CDK14: variants seen among roughly 807,000 people sequenced by gnomAD.
CDK14 encodes the protein cyclin dependent kinase 14.
CDK14 carries 34 observed loss-of-function variants against 60.7 expected under a neutral mutation model. The ratio of observed to expected loss-of-function variants is 0.56; its 90% CI spans 0.43 to 0.75. CDK14 has a LOEUF of 0.75. CDK14 is among the 30% of genes least tolerant of loss of function. The pLI is 0.00. For missense variants in CDK14, 482 were observed against 564.1 expected (o/e 0.85, Z 1.47); for synonymous variants, 197 against 203.7 (o/e 0.97, Z 0.28).
rs532098695 is a variant in CDK14 at position 90,697,791 on chromosome 7, G to A, written c.124-28776G>A. ...CCACTTAAAAAAAAGTGTTGCGGCC[G>A]GGCACGGTGGCTCACACCTGTAATC... is the stretch of plus-strand genomic sequence containing the variant. On this transcript the variant is annotated intron_variant, in intron 2 of 14. Transcript: ENST00000380050. Among the ~76,000 whole-genome samples the A allele has an allele frequency of 4.9e-4, 75 of 152,066 alleles. No individual in the cohort carries two copies. In the South Asian group the frequency reaches 0.014, roughly 28 times the overall value.
chr7:91,006,941 T>A (rs77807186), intron 10 of CDK14, among the ~76,000 whole-genome samples: 11,029 of 152,256 alleles, frequency 0.072, 496 homozygotes, highest in East Asian at 0.18. Flanking sequence ...AAAATTTAGG[T>A]CATGCCAATT....
intron 4 of CDK14, among the ~76,000 whole-genome samples, chr7:90,755,514 A>G (rs2116839738): frequency 6.6e-6 from 1 of 152,256 alleles, no homozygotes; most frequent in South Asian, 2.1e-4. Flanking sequence ...TGGGTACTAT[A>G]CTTACTACCT....
intron 2 of CDK14, among the ~76,000 whole-genome samples, chr7:90,668,321 G>T (rs971390093): frequency 6.6e-6 from 1 of 152,136 alleles, no homozygotes; most frequent in African/African-American, 2.4e-5. Flanking sequence ...CTTCTTTGGA[G>T]AAATGTCTGT....
At chr7:90,630,751 T>C (rs1200949174) in intron 2 of CDK14, among the ~76,000 whole-genome samples, 2 of 152,156 alleles carry the variant, frequency 1.3e-5, no homozygotes, top group Non-Finnish European at 2.9e-5. Flanking sequence ...CAATAAAAAT[T>C]GTTGAGAATA....
At chr7:90,625,347 G>C (rs369409407) in intron 2 of CDK14, among the ~76,000 whole-genome samples, 1 of 151,960 alleles carries the variant, frequency 6.6e-6, no homozygotes, top group Non-Finnish European at 1.5e-5. Context: ...CTTTAAAAAA[G>C]GTTATTTTTA....
chr7:91,024,699 T>G (rs1425118683), intron 10 of CDK14, among the ~76,000 whole-genome samples: 3 of 152,192 alleles, frequency 2.0e-5, no homozygotes, highest in Non-Finnish European at 2.9e-5. Flanking sequence ...ATAGATTGAT[T>G]TCGGCAGCCG....
At chr7:90,772,242 A>G (rs1223853254) in intron 4 of CDK14, among the ~76,000 whole-genome samples, 4 of 152,176 alleles carry the variant, frequency 2.6e-5, no homozygotes, top group Admixed American at 6.5e-5. Context: ...AGGCCTCTAC[A>G]CTGCTTTCTC....
chr7:91,140,745 A>G (rs1800430869), intron 14 of CDK14, among the ~76,000 whole-genome samples: 1 of 152,134 alleles, frequency 6.6e-6, no homozygotes, highest in Non-Finnish European at 1.5e-5. Flanking sequence ...GTGAAGATCT[A>G]AATAGGAGGA....
intron 8 of CDK14, among the ~76,000 whole-genome samples, chr7:90,925,797 T>G (rs936100111): frequency 2.0e-5 from 3 of 152,250 alleles, no homozygotes; most frequent in Non-Finnish European, 4.4e-5. Flanking sequence ...CAGTTGTTGA[T>G]AGAATCATAT....
intron 4 of CDK14, among the ~76,000 whole-genome samples, chr7:90,756,697 A>G (rs1804073651): frequency 6.6e-6 from 1 of 152,220 alleles, no homozygotes. Flanking sequence ...GTGTCCCTAT[A>G]GTGCTATATA....
At chr7:90,682,748 T>G (rs1443398302) in intron 2 of CDK14, among the ~76,000 whole-genome samples, 1 of 152,236 alleles carries the variant, frequency 6.6e-6, no homozygotes, top group African/African-American at 2.4e-5. Flanking sequence ...CTTTTTAGTC[T>G]CCTTTAATTT....
intron 5 of CDK14, among the ~76,000 whole-genome samples, chr7:90,860,994 C>T (rs1790990599): frequency 6.6e-6 from 1 of 152,084 alleles, no homozygotes; most frequent in Non-Finnish European, 1.5e-5. Context: ...TGTGTGGAAA[C>T]TGAGTTTTAT....
intron 12 of CDK14, among the ~76,000 whole-genome samples, chr7:91,086,134 A>G (rs942319680): frequency 1.3e-5 from 2 of 152,212 alleles, no homozygotes; most frequent in African/African-American, 2.4e-5. Context: ...ACACTACACT[A>G]AAGAGTCATT....
At chr7:90,793,601 A>G (rs984895263) in intron 5 of CDK14, among the ~76,000 whole-genome samples, 1 of 152,214 alleles carries the variant, frequency 6.6e-6, no homozygotes, top group Non-Finnish European at 1.5e-5. Flanking sequence ...GGAGTTCTCA[A>G]TTGATAGAGT....
At chr7:90,923,879 T>C (rs1318604147) in intron 8 of CDK14, among the ~76,000 whole-genome samples, 2 of 152,206 alleles carry the variant, frequency 1.3e-5, no homozygotes, top group East Asian at 1.9e-4. Context: ...TATTTGCATA[T>C]GTAGAAAGAC....
At chr7:90,771,368 G>A (rs988279362) in intron 4 of CDK14, among the ~76,000 whole-genome samples, 3 of 152,128 alleles carry the variant, frequency 2.0e-5, no homozygotes, top group African/African-American at 7.2e-5. Context: ...AGAGTTTGGC[G>A]AGCAGGAGGG....
At position 90,805,099 on chromosome 7, in the gene CDK14, A is replaced by G. The variant is rs144344757; in HGVS notation, c.544+14447A>G. 1.2e-3 allele frequency among the ~76,000 whole-genome samples: 177 copies of G among 152,230 alleles called. 3 individuals are homozygous for G. The East Asian group carries it at 0.026, about 22-fold the overall frequency. On this transcript the variant is annotated intron_variant, in intron 5 of 14. Transcript: ENST00000380050. ...GATTTACACTGGGATTTTTAAATTG[A>G]GGTGTTTGTTCAAAGATAATACATT...
At chr7:90,619,396 T>G (rs545237448) in intron 2 of CDK14, among the ~76,000 whole-genome samples, 18 of 152,336 alleles carry the variant, frequency 1.2e-4, no homozygotes, top group African/African-American at 4.1e-4. Context: ...AGATTACATT[T>G]GAAAATCTCT....
intron 10 of CDK14, among the ~76,000 whole-genome samples, chr7:91,000,357 G>A (rs1242528681): frequency 6.6e-6 from 1 of 152,146 alleles, no homozygotes; most frequent in African/African-American, 2.4e-5. Flanking sequence ...CTCTTTTTAT[G>A]TGATCCTGTG....
Sources: allele counts gnomAD v4.1 joint callset (sites outside exome capture counted in the v4.1 genomes callset), GRCh38; gene constraint gnomAD v4.1.1; transcripts MANE v1.5; gene names NCBI Gene and HGNC (gene_info 2026-07-23, HGNC 2026-07-21).